Variants in ERBB4 observed in about 807,000 individuals in gnomAD.
The protein encoded by ERBB4 is erb-b2 receptor tyrosine kinase 4, also known as receptor tyrosine-protein kinase erbB-4.
Under a neutral mutation model 158.0 loss-of-function variants are expected in ERBB4, and 42 were observed. The ratio of observed to expected loss-of-function variants is 0.27; its 90% CI spans 0.21 to 0.34. The LOEUF is 0.34. ERBB4 is among the 10% of genes least tolerant of loss of function. The pLI, the probability that ERBB4 is intolerant of heterozygous loss-of-function variation, is 1.00. For missense variants in ERBB4, 1,333 were observed against 1,624.1 expected, an observed-to-expected ratio of 0.82 and a Z score of 3.08; for synonymous variants, 583 against 558.7, an observed-to-expected ratio of 1.04 and a Z score of -0.61.
chr2:212,187,531 G>A (rs1359072509), intron 1 of ERBB4, among the ~76,000 whole-genome samples: 2 of 151,794 alleles, frequency 1.3e-5, no homozygotes, highest in Non-Finnish European at 2.9e-5. Context: ...TCCAAACTAT[G>A]GAATTGCTGA....
chr2:211,673,083 A>G, intron 14 of ERBB4, 81 bp downstream of exon 14: 1 of 1,099,770 alleles, frequency 9.1e-7, no homozygotes, highest in Non-Finnish European at 1.4e-6. Context: ...TATTGAATGG[A>G]TGAATAAATG....
intron 20 of ERBB4, among the ~76,000 whole-genome samples, chr2:211,551,104 G>GA (rs374312103): frequency 1.3e-5 from 2 of 152,236 alleles, no homozygotes; most frequent in African/African-American, 4.8e-5. Context: ...GTATCTCCAT[G>GA]AAATAATCAA....
At chr2:212,398,968 G>A (rs2091110907) in intron 1 of ERBB4, among the ~76,000 whole-genome samples, 1 of 151,938 alleles carries the variant, frequency 6.6e-6, no homozygotes, top group Non-Finnish European at 1.5e-5. Flanking sequence ...TTTTGATACG[G>A]AGTCTCGCTC....
chr2:212,156,597 G>A (rs2081043240), intron 1 of ERBB4, among the ~76,000 whole-genome samples: 1 of 152,138 alleles, frequency 6.6e-6, no homozygotes, highest in South Asian at 2.1e-4. Flanking sequence ...ACTGTTGATT[G>A]TGCATCCTTC....
intron 1 of ERBB4, among the ~76,000 whole-genome samples, chr2:212,146,603 G>A (rs982576293): frequency 6.6e-6 from 1 of 152,060 alleles, no homozygotes; most frequent in South Asian, 2.1e-4. Context: ...CCATAGCAAG[G>A]CCAGCAATAC....
At chr2:211,936,776 TC>T (rs1227190805) in intron 3 of ERBB4, among the ~76,000 whole-genome samples, 1 of 152,104 alleles carries the variant, frequency 6.6e-6, no homozygotes, top group Non-Finnish European at 1.5e-5. Context: ...AAGTGATAAA[TC>T]AACTAGATCT....
intron 20 of ERBB4, among the ~76,000 whole-genome samples, chr2:211,554,693 T>A (rs1421096854): frequency 2.0e-5 from 3 of 152,198 alleles, no homozygotes; most frequent in African/African-American, 7.2e-5. Flanking sequence ...AGGTGGCTTT[T>A]AACTGGAACC....
At chr2:212,290,979 A>G (rs1236624617) in intron 1 of ERBB4, among the ~76,000 whole-genome samples, 1 of 152,120 alleles carries the variant, frequency 6.6e-6, no homozygotes, top group Non-Finnish European at 1.5e-5. Flanking sequence ...TAAAAGTTAC[A>G]CAAGACCCCA....
At chr2:212,443,800 AG>A in intron 1 of ERBB4, among the ~76,000 whole-genome samples, 1 of 152,294 alleles carries the variant, frequency 6.6e-6, no homozygotes, top group Non-Finnish European at 1.5e-5. Flanking sequence ...AGAATTTTGG[AG>A]CAAGGCCCTG....
At chr2:212,090,563 C>T (rs1212246520) in intron 2 of ERBB4, among the ~76,000 whole-genome samples, 7 of 152,070 alleles carry the variant, frequency 4.6e-5, no homozygotes, top group Admixed American at 4.6e-4. Context: ...GAGTCTCTGT[C>T]CTTGAAAGAT....
chr2:212,472,522 T>G (rs1291721847), intron 1 of ERBB4, among the ~76,000 whole-genome samples: 1 of 151,766 alleles, frequency 6.6e-6, no homozygotes, highest in Admixed American at 6.6e-5. Context: ...TGAGATGTTT[T>G]GAGTTCCATA....
At chr2:212,429,684 A>G (rs1258481143) in intron 1 of ERBB4, among the ~76,000 whole-genome samples, 1 of 152,152 alleles carries the variant, frequency 6.6e-6, no homozygotes, top group East Asian at 1.9e-4. Flanking sequence ...AGAGGTAATT[A>G]TCTTCCTAAA....
At chr2:211,422,248 A>C in intron 23 of ERBB4, 144 bp from the exon 24 acceptor site, 304 of 573,798 alleles carry the variant, frequency 5.3e-4, no homozygotes, top group East Asian at 6.2e-4. Flanking sequence ...TAGTGAAAGA[A>C]ACGACTCAAT....
chr2:211,953,303 C>T (rs770040507), intron 2 of ERBB4, among the ~76,000 whole-genome samples: 3 of 151,720 alleles, frequency 2.0e-5, no homozygotes, highest in East Asian at 1.9e-4. Flanking sequence ...TTGATGGGTA[C>T]AGCAAACCAC....
At chr2:211,967,859 C>T (rs1055946675) in intron 2 of ERBB4, among the ~76,000 whole-genome samples, 1 of 151,324 alleles carries the variant, frequency 6.6e-6, no homozygotes, top group Non-Finnish European at 1.5e-5. Context: ...ATTTTATATC[C>T]TTTTTGAACA....
chr2:211,714,683 T>A (rs2073835446), intron 7 of ERBB4, among the ~76,000 whole-genome samples: 1 of 152,206 alleles, frequency 6.6e-6, no homozygotes, highest in African/African-American at 2.4e-5. Context: ...TTTGACATGC[T>A]TCTGGGTCCT....
chr2:211,939,911 C>T (rs2080439732), intron 3 of ERBB4, among the ~76,000 whole-genome samples: 1 of 150,150 alleles, frequency 6.7e-6, no homozygotes, highest in Non-Finnish European at 1.5e-5. Flanking sequence ...TGTGCCACTA[C>T]ACTCCAGCCT....
In ERBB4 at chr2:211,630,444, G is replaced by A. The variant is rs2125872283; in HGVS notation, c.2079+18C>T. 1 of 1,612,890 alleles carries A rather than the reference G, an allele frequency of 6.2e-7. No homozygotes were observed. On this transcript the variant is annotated intron_variant, in intron 17 of 27. Transcript: ENST00000342788. ...TGAAAATCCCCAAACACATGAAGAG[G>A]AGAAAGAAATACCTCACCTCTGTTT...
intron 1 of ERBB4, among the ~76,000 whole-genome samples, chr2:212,373,791 ATATATATCCATATATATATCCATG>A (rs1171881801): frequency 2.0e-5 from 2 of 101,018 alleles, no homozygotes; most frequent in Non-Finnish European, 4.5e-5. Context: ...ATATCCACGT[ATATATATCCATATATATATCCATG>A]TATATATCCA....
Sources: allele counts gnomAD v4.1 joint callset (sites outside exome capture counted in the v4.1 genomes callset), GRCh38; gene constraint gnomAD v4.1.1; transcripts MANE v1.5; gene names NCBI Gene and HGNC (gene_info 2026-07-23, HGNC 2026-07-21).